KATNAL1: variants seen among roughly 807,000 people sequenced by gnomAD.
The protein encoded by KATNAL1 is katanin p60 ATPase-containing subunit A-like 1.
Under a neutral mutation model 55.2 loss-of-function variants are expected in KATNAL1, and 32 were observed. The ratio of observed to expected loss-of-function variants is 0.58; its 90% CI spans 0.44 to 0.78. The LOEUF (loss-of-function observed/expected upper bound fraction) is 0.78, where lower values mean the gene tolerates loss of function less well. Ranked by LOEUF, KATNAL1 falls within the 30% of genes least tolerant of loss-of-function variation. KATNAL1 has a pLI of 0.00. For synonymous variants in KATNAL1, 193 were observed against 193.6 expected (o/e 1.00, Z 0.02); for missense variants, 466 against 600.9 (o/e 0.78, Z 2.35).
chr13:30,300,247 T>C (rs188232433), intron 1 of KATNAL1, among the ~76,000 whole-genome samples: 51 of 152,340 alleles, frequency 3.3e-4, no homozygotes, highest in African/African-American at 1.2e-3. Flanking sequence ...ATACTTACAA[T>C]ACATATGAGG....
intron 7 of KATNAL1, among the ~76,000 whole-genome samples, chr13:30,230,808 A>G (rs1222863829): frequency 6.6e-6 from 1 of 152,228 alleles, no homozygotes; most frequent in Non-Finnish European, 1.5e-5. Context: ...GCTGGGTGAT[A>G]GATACATAGG....
chr13:30,272,647 A>T (rs1217865430), intron 3 of KATNAL1, among the ~76,000 whole-genome samples: 6 of 151,188 alleles, frequency 4.0e-5, no homozygotes, highest in Admixed American at 6.6e-5. Context: ...CTGTAACATT[A>T]AAAAAAAAGA....
chr13:30,255,906 C>T (rs1593896491), intron 3 of KATNAL1, among the ~76,000 whole-genome samples: 1 of 152,234 alleles, frequency 6.6e-6, no homozygotes, highest in Non-Finnish European at 1.5e-5. Context: ...CACAGACTAT[C>T]CCTATCTAAT....
At chr13:30,256,788 T>C (rs1444545798) in intron 3 of KATNAL1, among the ~76,000 whole-genome samples, 1 of 152,192 alleles carries the variant, frequency 6.6e-6, no homozygotes, top group African/African-American at 2.4e-5. Context: ...GTGAAATTTC[T>C]AGAAGGCCGG....
intron 6 of KATNAL1, among the ~76,000 whole-genome samples, chr13:30,236,268 A>G (rs780022219): frequency 4.0e-4 from 61 of 152,320 alleles, no homozygotes; most frequent in African/African-American, 9.9e-4. Context: ...CCAGCTGGTC[A>G]TAAGAGTGAC....
At position 30,204,274 on chromosome 13, in the gene KATNAL1, A is replaced by C. The variant is rs1285163982; in HGVS notation, c.*4266T>G. On this transcript the variant is annotated 3_prime_UTR_variant, in exon 11 of 11. Coordinates refer to ENST00000380615, the MANE Select transcript of KATNAL1 (RefSeq NM_032116.5). ...ACATTTTATGCCTGTCATACAGAAT[A>C]TACCCTAAACTGATTTATCACTAAT... The C allele has an allele frequency of 6.6e-6, 1 of 152,234 alleles. No homozygotes were observed. Among genetic ancestry groups the C allele is most frequent in the African/African-American group, 2.4e-5 (1 of 41,456 alleles). The allele number at this position is 152,234 out of a possible 1,614,324, so 9.4% of individuals were successfully genotyped here.
At chr13:30,213,320 T>C (rs1873878337) in intron 9 of KATNAL1, among the ~76,000 whole-genome samples, 1 of 152,200 alleles carries the variant, frequency 6.6e-6, no homozygotes, top group Non-Finnish European at 1.5e-5. Context: ...CCAGATGGAT[T>C]CATAGCCGAA....
chr13:30,258,402 C>A (rs1321103290), intron 3 of KATNAL1, among the ~76,000 whole-genome samples: 2 of 152,182 alleles, frequency 1.3e-5, no homozygotes, highest in East Asian at 3.8e-4. Context: ...ATATGCTTTG[C>A]AAATATCTTC....
In KATNAL1 at chr13:30,205,561, A is replaced by T; in HGVS notation, c.*2979T>A. On this transcript the variant is annotated 3_prime_UTR_variant, in exon 11 of 11. Transcript: ENST00000380615. The stretch of plus-strand genomic sequence containing the variant: ...AAAACAAAACGAAGCAAAACAATTC[A>T]ATCTCATTCTGGGTAAGGCAACACA... 1 of 152,242 alleles carries T rather than the reference A, an allele frequency of 6.6e-6. No individual in the cohort carries two copies. 9.4% of individuals were successfully genotyped at this position (152,242 alleles called of 1,614,324 possible).
intron 4 of KATNAL1, among the ~76,000 whole-genome samples, chr13:30,242,838 G>A (rs1009800311): frequency 6.6e-6 from 1 of 152,018 alleles, no homozygotes; most frequent in Non-Finnish European, 1.5e-5. Context: ...AAATCAAAAT[G>A]GTGAGGTTAT....
At chr13:30,239,542 G>GA (rs1284906048) in intron 6 of KATNAL1, among the ~76,000 whole-genome samples, 7 of 151,930 alleles carry the variant, frequency 4.6e-5, no homozygotes, top group Non-Finnish European at 8.8e-5. Flanking sequence ...TACTGTTGCA[G>GA]AAAAAAATTA....
chr13:30,224,364 C>G (rs1356626649), intron 9 of KATNAL1, among the ~76,000 whole-genome samples: 2 of 151,866 alleles, frequency 1.3e-5, no homozygotes, highest in Non-Finnish European at 2.9e-5. Context: ...GCCTCTGTCT[C>G]TACAAAAAAT....
At chr13:30,264,089 G>T (rs1357882765) in intron 3 of KATNAL1, among the ~76,000 whole-genome samples, 1 of 150,910 alleles carries the variant, frequency 6.6e-6, no homozygotes, top group Non-Finnish European at 1.5e-5. Context: ...ACAACTATCT[G>T]ATCTTTGACA....
At chr13:30,266,580 A>G (rs1194614085) in intron 3 of KATNAL1, among the ~76,000 whole-genome samples, 3 of 152,230 alleles carry the variant, frequency 2.0e-5, no homozygotes, top group Non-Finnish European at 4.4e-5. Context: ...TCATTCCATA[A>G]TACATTTAAA....
At chr13:30,245,486 A>G (rs1877698125) in intron 4 of KATNAL1, among the ~76,000 whole-genome samples, 1 of 152,246 alleles carries the variant, frequency 6.6e-6, no homozygotes, top group Non-Finnish European at 1.5e-5. Flanking sequence ...CCCTTTGAAT[A>G]CTGGCACAAG....
At chr13:30,244,394 T>C (rs1201797827) in intron 4 of KATNAL1, among the ~76,000 whole-genome samples, 2 of 152,178 alleles carry the variant, frequency 1.3e-5, no homozygotes, top group African/African-American at 2.4e-5. Context: ...AACATACGTG[T>C]ACATGTGTCT....
At chr13:30,237,592 G>A (rs1440062685) in intron 6 of KATNAL1, among the ~76,000 whole-genome samples, 1 of 152,054 alleles carries the variant, frequency 6.6e-6, no homozygotes, top group Non-Finnish European at 1.5e-5. Flanking sequence ...TATTCTGTTA[G>A]AGAAAAGTTC....
chr13:30,265,755 A>G (rs1274070818), intron 3 of KATNAL1, among the ~76,000 whole-genome samples: 1 of 150,768 alleles, frequency 6.6e-6, no homozygotes, highest in East Asian at 2.0e-4. Flanking sequence ...TCACACCTGT[A>G]ATCCCAGCAC....
At chr13:30,239,984 A>G (rs999194801) in intron 6 of KATNAL1, among the ~76,000 whole-genome samples, 3 of 152,158 alleles carry the variant, frequency 2.0e-5, no homozygotes, top group Non-Finnish European at 2.9e-5. Flanking sequence ...GTACCCAGCC[A>G]AGAAGTAGTT....
Sources: allele counts gnomAD v4.1 joint callset (sites outside exome capture counted in the v4.1 genomes callset), GRCh38; gene constraint gnomAD v4.1.1; transcripts MANE v1.5; gene names NCBI Gene and HGNC (gene_info 2026-07-23, HGNC 2026-07-21).